The following SERGEF variants were observed in gnomAD, a reference collection of about 807,000 sequenced individuals.
SERGEF encodes secretion regulating guanine nucleotide exchange factor, also known as secretion-regulating guanine nucleotide exchange factor.
Under a neutral mutation model 50.0 loss-of-function variants are expected in SERGEF, and 51 were observed. The ratio of observed to expected loss-of-function variants is 1.02; its 90% confidence interval spans 0.81 to 1.29. SERGEF has a LOEUF of 1.29. Among genes scored for constraint, SERGEF ranks in the 50% most tolerant of loss-of-function variants. The pLI is 0.00. For missense variants in SERGEF, 521 were observed against 557.0 expected, an observed-to-expected ratio of 0.94 and a Z score of 0.65; for synonymous variants, 205 against 212.4, an observed-to-expected ratio of 0.97 and a Z score of 0.30.
chr11:17,973,018 A>T (rs772318298), intron 8 of SERGEF, among the ~76,000 whole-genome samples: 1 of 151,994 alleles, frequency 6.6e-6, no homozygotes, highest in Non-Finnish European at 1.5e-5. Context: ...AAAAGGAAAG[A>T]AAAAAGGCCA....
chr11:17,828,574 A>AT (rs1850242952), intron 10 of SERGEF, among the ~76,000 whole-genome samples: 1 of 152,126 alleles, frequency 6.6e-6, no homozygotes, highest in Non-Finnish European at 1.5e-5. Context: ...CTTTTAAGCT[A>AT]TTTTTTCCTC....
At chr11:17,989,846 T>C (rs2133997444) in intron 7 of SERGEF, among the ~76,000 whole-genome samples, 1 of 152,248 alleles carries the variant, frequency 6.6e-6, no homozygotes, top group African/African-American at 2.4e-5. Flanking sequence ...TCCTTATAAT[T>C]TGATATGGGT....
intron 9 of SERGEF, among the ~76,000 whole-genome samples, chr11:17,914,125 T>C (rs1410396798): frequency 6.6e-6 from 1 of 152,250 alleles, no homozygotes; most frequent in African/African-American, 2.4e-5. Flanking sequence ...TACTTGCTGA[T>C]CCCTGAACTC....
rs921807829 is a variant in SERGEF at position 18,013,001 on chromosome 11, C to G, written c.10G>C (p.Glu4Gln). 2 of 1,446,058 alleles carry G rather than the reference C, an allele frequency of 1.4e-6. No individual in the cohort carries two copies. Among genetic ancestry groups the G allele is most frequent in the South Asian group, 1.4e-5 (1 of 72,824 alleles). 89.6% of individuals were successfully genotyped at this position (1,446,058 alleles called of 1,614,324 possible). ...GGGGCGGCCTCCGAGGCGCTGGGCT[C>G]GCGCTCCATGCGAGGACGCTCCGCC... Reference protein sequence around the residue: MEREPSASEAAPAA... With the variant: MERQPSASEAAPAA... The change falls in exon 1 of 11, where the codon GAG (glutamate) becomes CAG (glutamine). Residue 4 changes from glutamate to glutamine, a missense_variant. Physicochemically the swap from Glu to Gln is conservative, Grantham distance 29 (BLOSUM62 2). Coordinates refer to ENST00000265965, the MANE Select transcript of SERGEF (RefSeq NM_012139.4). The surrounding 1 kb of genome is among the most constrained non-coding windows in gnomAD (Gnocchi z 4.3).
intron 1 of SERGEF, among the ~76,000 whole-genome samples, chr11:18,009,287 T>C (rs980952629): frequency 6.6e-6 from 1 of 152,176 alleles, no homozygotes; most frequent in African/African-American, 2.4e-5. Flanking sequence ...GATTTCGATA[T>C]GAGAAGAGTC....
At chr11:18,006,333 G>GCC (rs1040596758) in intron 3 of SERGEF, among the ~76,000 whole-genome samples, 1 of 152,014 alleles carries the variant, frequency 6.6e-6, no homozygotes, top group African/African-American at 2.4e-5. Context: ...GGGGTACCAC[G>GCC]CCTGGCTAAT....
At chr11:17,962,033 G>A (rs1403377311) in intron 8 of SERGEF, among the ~76,000 whole-genome samples, 2 of 152,128 alleles carry the variant, frequency 1.3e-5, no homozygotes, top group African/African-American at 4.8e-5. Flanking sequence ...TAAATGATTT[G>A]GTTGAGTTCA....
intron 9 of SERGEF, among the ~76,000 whole-genome samples, chr11:17,907,406 C>T (rs890655170): frequency 6.6e-6 from 1 of 152,174 alleles, no homozygotes; most frequent in Non-Finnish European, 1.5e-5. Context: ...GTCAGCACTA[C>T]CATGGAGGGG....
chr11:17,832,912 C>A (rs759055390), intron 10 of SERGEF, among the ~76,000 whole-genome samples: 11 of 152,174 alleles, frequency 7.2e-5, no homozygotes, highest in Admixed American at 1.3e-4. Flanking sequence ...TTGTTAAAAT[C>A]ATTCAGCTTT....
In SERGEF at chr11:17,846,221, G is replaced by A. The variant is rs536630494; in HGVS notation, c.1048+31987C>T. Among the ~76,000 whole-genome samples, 8 of 152,236 alleles carry A rather than the reference G, an allele frequency of 5.3e-5. 1 individual carries two copies. Among genetic ancestry groups the A allele is most frequent in the African/African-American group, 1.9e-4 (8 of 41,540 alleles). On this transcript the variant is annotated intron_variant, in intron 10 of 10. Coordinates refer to ENST00000265965, the MANE Select transcript of SERGEF (RefSeq NM_012139.4). Reference sequence around the variant, plus strand: ...CTTCGTGCTGTGCATAATGAATCACGGTATGTCAATTACTGCATTCTGTTA... The same window carrying A: ...CTTCGTGCTGTGCATAATGAATCACAGTATGTCAATTACTGCATTCTGTTA...
chr11:17,986,724 A>G (rs1216906629), intron 8 of SERGEF, among the ~76,000 whole-genome samples: 1 of 152,252 alleles, frequency 6.6e-6, no homozygotes, highest in Non-Finnish European at 1.5e-5. Flanking sequence ...TAGTAAGTGT[A>G]TTTTAATGTA....
At chr11:18,000,810 A>T in intron 4 of SERGEF, 1 of 638,222 alleles carries the variant, frequency 1.6e-6, no homozygotes, top group Non-Finnish European at 2.9e-6. Flanking sequence ...TTCTAAGGTC[A>T]TCTAGTCCAA....
In SERGEF at chr11:18,012,679, T is replaced by C. The variant is rs553305281; in HGVS notation, c.60+272A>G. On this transcript the variant is annotated intron_variant, in intron 1 of 10. Transcript: ENST00000265965. ...AGGGCTCTCGCGGAACCAGACGCTC[T>C]GCCCCGAGGCAGGTTCTTCCCGCGG... 2.8e-4 allele frequency: 333 copies of C among 1,178,680 alleles called. 1 individual carries two copies. The African/African-American group carries it at 5.0e-3, about 18-fold the overall frequency. The allele number at this position is 1,178,680 out of a possible 1,614,324, so 73.0% of individuals were successfully genotyped here.
At chr11:18,005,580 AC>A (rs1446228130) in intron 3 of SERGEF, among the ~76,000 whole-genome samples, 8 of 152,214 alleles carry the variant, frequency 5.3e-5, no homozygotes, top group Non-Finnish European at 1.0e-4. Context: ...CAGGAGAGTG[AC>A]AGAAGATGCC....
In SERGEF at chr11:17,938,754, G is replaced by A. The variant is rs569467815; in HGVS notation, c.1011+20716C>T. On this transcript the variant is annotated intron_variant, in intron 9 of 10. Coordinates refer to ENST00000265965, the MANE Select transcript of SERGEF (RefSeq NM_012139.4). ...TCCTTGGAACATATGGGTATATTGG[G>A]TACTCTAGACCCAAAATTTTATACA... Among the ~76,000 whole-genome samples the A allele has an allele frequency of 1.4e-4, 22 of 152,264 alleles. No homozygotes were observed. The South Asian group carries it at 4.6e-3, about 32-fold the overall frequency.
At chr11:17,956,161 A>G (rs1852865984) in intron 9 of SERGEF, among the ~76,000 whole-genome samples, 1 of 152,210 alleles carries the variant, frequency 6.6e-6, no homozygotes, top group Admixed American at 6.5e-5. Flanking sequence ...AAGGTCTAAA[A>G]TCTCAAATAA....
At chr11:17,813,245 G>A (rs1159232699) in intron 10 of SERGEF, among the ~76,000 whole-genome samples, 2 of 152,180 alleles carry the variant, frequency 1.3e-5, no homozygotes, top group Non-Finnish European at 2.9e-5. Context: ...TGGTAAAAGT[G>A]CTCTGAAAGC....
At chr11:17,905,918 C>T (rs1354531765) in intron 9 of SERGEF, among the ~76,000 whole-genome samples, 1 of 152,210 alleles carries the variant, frequency 6.6e-6, no homozygotes, top group Non-Finnish European at 1.5e-5. Flanking sequence ...ATTCCAACCC[C>T]AGATTGCTGA....
At chr11:18,011,426 G>T (rs534295684) in intron 1 of SERGEF, among the ~76,000 whole-genome samples, 2 of 152,342 alleles carry the variant, frequency 1.3e-5, no homozygotes, top group Non-Finnish European at 2.9e-5. Flanking sequence ...AGGACACAGT[G>T]AGAAGGCGGC....
Sources: gnomAD v4.1 joint callset for allele counts (sites outside exome capture counted in the v4.1 genomes callset) on GRCh38, gnomAD v4.1.1 for gene constraint, Gnocchi (gnomAD v3.1) non-coding constraint, MANE v1.5 for transcripts, NCBI Gene and HGNC (gene_info 2026-07-23, HGNC 2026-07-21) for gene names.